Variants in STAM2 observed in about 807,000 individuals in gnomAD.
STAM2 encodes signal transducing adaptor molecule 2.
STAM2 carries 51 observed loss-of-function variants against 65.6 expected under a neutral mutation model. The observed-to-expected ratio is 0.78, with a 90% CI of 0.62 to 0.98. The LOEUF is 0.98. Among genes scored for constraint, STAM2 ranks in the 50% least tolerant of loss-of-function variants. The pLI, the probability that STAM2 is intolerant of heterozygous loss-of-function variation, is 0.00. For missense variants in STAM2, 584 were observed against 617.8 expected (o/e 0.95, Z 0.58); for synonymous variants, 198 against 208.4 (o/e 0.95, Z 0.43).
At chr2:152,173,688 C>T (rs1263429056) in intron 1 of STAM2, among the ~76,000 whole-genome samples, 8 of 152,168 alleles carry the variant, frequency 5.3e-5, no homozygotes, top group South Asian at 4.1e-4. Context: ...TGAGCCGCTG[C>T]GCCTGACCCT....
chr2:152,123,884 G>C lies in STAM2; in HGVS notation c.1231C>G (p.Gln411Glu). ...GGNYMGQSIH[Q>E]VTVAQSYSLG... is the part of the protein sequence containing the mutation. ...CTATAGCTTTGGGCAACAGTTACTT[G>C]GTGAATGCTCTGACCCATATAGTTT... Residue 411 changes from glutamine to glutamate, a missense_variant, in exon 13 of 14, where the codon CAA (glutamine) becomes GAA (glutamate). Transcript: ENST00000263904. 2.5e-6 allele frequency: 4 copies of C among 1,614,054 alleles called. No individual in the cohort carries two copies. Among genetic ancestry groups the C allele is most frequent in the Non-Finnish European group, 3.4e-6 (4 of 1,179,960 alleles).
chr2:152,157,967 T>C (rs1560221237), intron 1 of STAM2, among the ~76,000 whole-genome samples: 1 of 152,094 alleles, frequency 6.6e-6, no homozygotes, highest in Non-Finnish European at 1.5e-5. Flanking sequence ...CACCATAATA[T>C]AAAAAATTAC....
intron 11 of STAM2, among the ~76,000 whole-genome samples, chr2:152,129,613 G>A (rs1246085777): frequency 6.6e-6 from 1 of 152,112 alleles, no homozygotes; most frequent in African/African-American, 2.4e-5. Flanking sequence ...TGTAGAATGT[G>A]TGGACATACA....
intron 1 of STAM2, among the ~76,000 whole-genome samples, chr2:152,150,926 G>C (rs901631463): frequency 6.6e-6 from 1 of 151,472 alleles, no homozygotes; most frequent in East Asian, 1.9e-4. Context: ...GGCTGGTCTT[G>C]AACTCCTGGG....
chr2:152,138,917 G>T (rs965605929), intron 7 of STAM2, among the ~76,000 whole-genome samples: 1 of 152,156 alleles, frequency 6.6e-6, no homozygotes, highest in Non-Finnish European at 1.5e-5. Context: ...ACCAACAACT[G>T]TATGTGTGTA....
intron 1 of STAM2, among the ~76,000 whole-genome samples, chr2:152,160,110 C>T (rs1337283955): frequency 1.3e-5 from 2 of 152,240 alleles, no homozygotes; most frequent in African/African-American, 4.8e-5. Flanking sequence ...CTGCCTTGGC[C>T]TCCCAAAGTG....
chr2:152,140,308 T>C (rs1456137386), intron 7 of STAM2, among the ~76,000 whole-genome samples: 2 of 152,216 alleles, frequency 1.3e-5, no homozygotes, highest in African/African-American at 4.8e-5. Flanking sequence ...CTGCCATTAT[T>C]GATAAGCAAG....
chr2:152,150,711 T>C (rs994694823), intron 1 of STAM2, among the ~76,000 whole-genome samples: 2 of 152,164 alleles, frequency 1.3e-5, no homozygotes, highest in African/African-American at 4.8e-5. Flanking sequence ...GAGGCTGAAA[T>C]GGGAGGATTG....
At position 152,126,345 on chromosome 2, in the gene STAM2, C is replaced by CT. The variant is rs1481437905; in HGVS notation, c.1059dup (p.Val354SerfsTer9). On this transcript the variant is annotated frameshift_variant, in exon 12 of 14. Transcript: ENST00000263904. LOFTEE classifies it high-confidence loss of function. ...TTATATAGTTCCAGAGCTTCCAGGACTTTAACATTCAATTCAGACAATTCT... is the reference window on the plus strand; with the variant it reads ...TTATATAGTTCCAGAGCTTCCAGGACTTTTAACATTCAATTCAGACAATTCT... The CT allele has an allele frequency of 1.3e-6, 2 of 1,586,476 alleles. No individual in the cohort carries two copies. The highest frequency in any genetic ancestry group is 1.4e-5 in the African/African-American group (1 of 73,754).
chr2:152,124,661 T>C (rs1688919134), intron 12 of STAM2: 1 of 152,232 alleles, frequency 6.6e-6, no homozygotes, highest in South Asian at 2.1e-4. Flanking sequence ...CATACCATAA[T>C]GATCATCAAT....
chr2:152,126,728 G>A (rs757501118), intron 11 of STAM2, among the ~76,000 whole-genome samples: 2 of 152,088 alleles, frequency 1.3e-5, no homozygotes, highest in Non-Finnish European at 2.9e-5. Context: ...CACGTTTTCT[G>A]TGCAGCAGAT....
chr2:152,150,626 C>T (rs1689426199), intron 1 of STAM2, among the ~76,000 whole-genome samples: 1 of 152,118 alleles, frequency 6.6e-6, no homozygotes, highest in African/African-American at 2.4e-5. Flanking sequence ...TATAGATAGA[C>T]CCTGTTTCTA....
chr2:152,150,345 G>A (rs1014817240), intron 1 of STAM2, 116 bp from the exon 2 acceptor site: 7 of 594,942 alleles, frequency 1.2e-5, no homozygotes, highest in African/African-American at 3.8e-5. Context: ...AGATACTACA[G>A]ACGACCTTCA....
At chr2:152,121,302 AAG>A (rs1688849876) in intron 13 of STAM2, among the ~76,000 whole-genome samples, 1 of 152,160 alleles carries the variant, frequency 6.6e-6, no homozygotes, top group African/African-American at 2.4e-5. Flanking sequence ...ATTTGGTAAG[AAG>A]AGAGAGGTAC....
chr2:152,130,435 T>C (rs1320226963), intron 11 of STAM2, among the ~76,000 whole-genome samples: 2 of 151,918 alleles, frequency 1.3e-5, no homozygotes, highest in Non-Finnish European at 2.9e-5. Context: ...GTATTTTTAG[T>C]AGAGACGGGG....
rs1689292374 is a variant in STAM2, at chr2:152,143,887, G to A, written c.644C>T (p.Ala215Val). Residue 215 changes from alanine (A) to valine (V), a missense_variant, in exon 7 of 14, where the codon GCT becomes GTT. Ala to Val is a moderately conservative substitution (Grantham distance 64). Coordinates refer to ENST00000263904, the MANE Select transcript of STAM2 (RefSeq NM_005843.6). Reference protein sequence around the residue: ...RKVRALYDFEAVEDNELTFKH... With the variant: ...RKVRALYDFEVVEDNELTFKH... ...AAAGGTGAGTTCATTGTCCTCAACA[G>A]CTTCAAAATCATATAAAGCTCTCAC... 1 of 1,613,722 alleles carries A rather than the reference G, an allele frequency of 6.2e-7. No individual in the cohort carries two copies. The highest frequency in any genetic ancestry group is 8.5e-7 in the Non-Finnish European group (1 of 1,179,850).
At chr2:152,120,873 G>T in intron 13 of STAM2, 71 bp from the exon 14 acceptor site, 1 of 1,188,000 alleles carries the variant, frequency 8.4e-7, no homozygotes. Flanking sequence ...CAATCATCAT[G>T]ACAAAAATGC....
chr2:152,170,081 T>C (rs1689871693), intron 1 of STAM2, among the ~76,000 whole-genome samples: 1 of 151,354 alleles, frequency 6.6e-6, no homozygotes, highest in African/African-American at 2.4e-5. Context: ...AGAAGATTTG[T>C]CCACCTCAGC....
At chr2:152,141,789 C>G (rs1253689181) in intron 7 of STAM2, among the ~76,000 whole-genome samples, 1 of 151,780 alleles carries the variant, frequency 6.6e-6, no homozygotes, top group Admixed American at 6.6e-5. Context: ...CAGGGTTTCA[C>G]CATATTGACC....
Sources: gnomAD v4.1 joint callset for allele counts (sites outside exome capture counted in the v4.1 genomes callset) on GRCh38, gnomAD v4.1.1 for gene constraint, MANE v1.5 for transcripts, NCBI Gene and HGNC (gene_info 2026-07-23, HGNC 2026-07-21) for gene names.